Variants in DCLRE1A observed in about 807,000 individuals in gnomAD.
DCLRE1A encodes the protein DNA cross-link repair 1A.
DCLRE1A carries 64 observed loss-of-function variants against 91.9 expected under a neutral mutation model. The observed-to-expected ratio is 0.70, with a 90% CI of 0.57 to 0.86. The LOEUF is 0.86. Among genes scored for constraint, DCLRE1A ranks in the 40% least tolerant of loss-of-function variants. The pLI, the probability that DCLRE1A is intolerant of heterozygous loss-of-function variation, is 0.00. For synonymous variants in DCLRE1A, 416 were observed against 431.1 expected (o/e 0.96, Z 0.43); for missense variants, 1,145 against 1,213.3 (o/e 0.94, Z 0.84).
At chr10:113,847,908 T>C (rs1845565871) in intron 2 of DCLRE1A, among the ~76,000 whole-genome samples, 1 of 152,192 alleles carries the variant, frequency 6.6e-6, no homozygotes, top group Non-Finnish European at 1.5e-5. Context: ...TGTTCTAAAA[T>C]GTGCTCATGC....
At chr10:113,844,476 T>C (rs1259379729) in intron 4 of DCLRE1A, among the ~76,000 whole-genome samples, 1 of 152,216 alleles carries the variant, frequency 6.6e-6, no homozygotes, top group Admixed American at 6.5e-5. Context: ...AAGAAAAGCA[T>C]GTCTTCAGGA....
intron 8 of DCLRE1A, among the ~76,000 whole-genome samples, chr10:113,835,845 G>A (rs1418652947): frequency 6.6e-6 from 1 of 152,144 alleles, no homozygotes; most frequent in African/African-American, 2.4e-5. Context: ...TGAGGCAGAA[G>A]AATTGCTTGA....
At position 113,853,260 on chromosome 10, in the gene DCLRE1A, T is replaced by TATAGAA. The variant is rs1845691772; in HGVS notation, c.-84_-79dup. 7.6e-7 allele frequency: 1 copy of TATAGAA among 1,317,994 alleles called. No homozygotes were observed. Among genetic ancestry groups the TATAGAA allele is most frequent in the African/African-American group, 1.5e-5 (1 of 66,878 alleles). 81.6% of individuals were successfully genotyped at this position (1,317,994 alleles called of 1,614,324 possible). A position where few individuals can be genotyped will look rare whatever the true frequency, so the allele number is the denominator to read the frequency against. ...CCATTTCTTGTCACAAACAAAAAGT[T>TATAGAA]ATAGAATTATTTTGCTGAGAAAAAA... On this transcript the variant is annotated 5_prime_UTR_variant, in exon 1 of 9. Transcript: ENST00000361384.
At chr10:113,844,988 A>G (rs1049986412) in intron 4 of DCLRE1A, among the ~76,000 whole-genome samples, 1 of 151,930 alleles carries the variant, frequency 6.6e-6, no homozygotes, top group African/African-American at 2.4e-5. Context: ...AAAAAACAGT[A>G]GCAAAGTTAG....
In DCLRE1A at chr10:113,848,997, A is replaced by G. The variant is rs776808486; in HGVS notation, c.2108T>C (p.Phe703Ser). ...VGGSRKKTCPFYKKIPGTGFT... is the reference protein window; with the variant it reads ...VGGSRKKTCPSYKKIPGTGFT... ...CAACTTACCAGGTATTTTCTTATAG[A>G]ATGGACATGTCTTTTTTCTTGATCC... The change falls in exon 2 of 9, where the codon TTC becomes TCC. Residue 703 changes from phenylalanine to serine, a missense_variant. By Grantham distance (155) the Phe-to-Ser change is radical. Coordinates refer to ENST00000361384, the MANE Select transcript of DCLRE1A (RefSeq NM_014881.5). 1.4e-5 allele frequency: 22 copies of G among 1,612,618 alleles called. No individual in the cohort carries two copies. The highest frequency in any genetic ancestry group is 1.8e-5 in the Non-Finnish European group (21 of 1,179,556).
chr10:113,841,304 G>T, intron 7 of DCLRE1A, 102 bp downstream of exon 7: 1 of 1,350,312 alleles, frequency 7.4e-7, no homozygotes, highest in Non-Finnish European at 1.0e-6. Context: ...TTTTACTATG[G>T]GTGACTCTAT....
At chr10:113,839,910 G>C (rs1279435453) in intron 7 of DCLRE1A, among the ~76,000 whole-genome samples, 1 of 152,030 alleles carries the variant, frequency 6.6e-6, no homozygotes, top group Non-Finnish European at 1.5e-5. Flanking sequence ...AATGACTCCA[G>C]GTCACTCCTC....
Position 113,850,434 on chromosome 10 carries a change from A to C in DCLRE1A, c.671T>G (p.Val224Gly). The C allele has an allele frequency of 6.2e-7, 1 of 1,614,180 alleles. No homozygotes were observed. Among genetic ancestry groups the C allele is most frequent in the Non-Finnish European group, 8.5e-7 (1 of 1,180,036 alleles). ...TGTCATCAATAAGGGATCATTTGAAACCGAGTTATCAGTTTGGTTCTGATA... is the reference window on the plus strand; with the variant it reads ...TGTCATCAATAAGGGATCATTTGAACCCGAGTTATCAGTTTGGTTCTGATA... ...SSYQNQTDNSVSNDPLLMTQY... is the reference protein window; with the variant it reads ...SSYQNQTDNSGSNDPLLMTQY... The change falls in exon 2 of 9, where the codon GTT becomes GGT. Residue 224 changes from valine to glycine, a missense_variant. Transcript: ENST00000361384.
In DCLRE1A at chr10:113,837,057, T is replaced by C. The variant is rs1845372713; in HGVS notation, c.2962+5A>G. The C allele has an allele frequency of 2.5e-6, 4 of 1,596,046 alleles. No homozygotes were observed. In the East Asian group the frequency reaches 9.0e-5, roughly 36 times the overall value. On this transcript the variant is annotated splice_donor_5th_base_variant and intron_variant, in intron 8 of 8. Transcript: ENST00000361384. ...ACTAAAAGTGAGAAAATTTAATAAC[T>C]ATACCATATATTGAAATGTTTCCTT...
At chr10:113,848,914 G>T in intron 2 of DCLRE1A, 66 bp downstream of exon 2, 3 of 1,435,888 alleles carry the variant, frequency 2.1e-6, no homozygotes, top group African/African-American at 2.8e-5. Context: ...CACACAATGG[G>T]CAATAAACAC....
intron 2 of DCLRE1A, among the ~76,000 whole-genome samples, chr10:113,847,859 C>G (rs1845564870): frequency 6.6e-6 from 1 of 152,072 alleles, no homozygotes; most frequent in South Asian, 2.1e-4. Context: ...TAAAAAGGCT[C>G]CTTAGAGGAG....
At position 113,847,225 on chromosome 10, in the gene DCLRE1A, T is replaced by C. The variant is rs752160074; in HGVS notation, c.2236A>G (p.Thr746Ala). The change falls in exon 3 of 9, where the codon ACA becomes GCA. Residue 746 changes from threonine (T) to alanine (A), a missense_variant. Physicochemically the swap from Thr to Ala is moderately conservative, Grantham distance 58 (BLOSUM62 0). Coordinates refer to ENST00000361384, the MANE Select transcript of DCLRE1A (RefSeq NM_014881.5). ...DHYAGLSKHF[T>A]FPVYCSEITG... ...ACCTCACTACAATAAACTGGAAATGTGAAGTGTTTAGACAATCCAGCATAA... is the reference window on the plus strand; with the variant it reads ...ACCTCACTACAATAAACTGGAAATGCGAAGTGTTTAGACAATCCAGCATAA... 6.2e-7 allele frequency: 1 copy of C among 1,609,226 alleles called. No individual in the cohort carries two copies. The highest frequency in any genetic ancestry group is 8.5e-7 in the Non-Finnish European group (1 of 1,177,014).
In DCLRE1A at chr10:113,849,491, C is replaced by T. The variant is rs370847347; in HGVS notation, c.1614G>A (p.Leu538=). The change falls in exon 2 of 9, where the codon TTG becomes TTA. Residue 538 remains leucine (L), a synonymous_variant. Transcript: ENST00000361384. ...TTGCATTATACTTAAGACCAGAAGGCAATATTTTCAAATACTTCGGAGCAG... is the reference window on the plus strand; with the variant it reads ...TTGCATTATACTTAAGACCAGAAGGTAATATTTTCAAATACTTCGGAGCAG... ...STPAPKYLKI[L]PSGLKYNARH... is the part of the protein sequence containing the mutation. The T allele has an allele frequency of 3.1e-6, 5 of 1,613,906 alleles. No individual in the cohort carries two copies. In the African/African-American group the frequency reaches 4.0e-5, roughly 13 times the overall value.
chr10:113,837,822 T>A (rs2134646260), intron 7 of DCLRE1A, among the ~76,000 whole-genome samples: 1 of 152,286 alleles, frequency 6.6e-6, no homozygotes, highest in South Asian at 2.1e-4. Flanking sequence ...CAAACTAAAG[T>A]AATCATAAAT....
intron 1 of DCLRE1A, among the ~76,000 whole-genome samples, chr10:113,852,208 C>T (rs539632103): frequency 5.9e-5 from 9 of 152,212 alleles, no homozygotes; most frequent in African/African-American, 1.9e-4. Flanking sequence ...CGGTGGCGGG[C>T]GCCTGTAGTC....
chr10:113,843,023 T>TACACACAC (rs10527278), intron 5 of DCLRE1A, among the ~76,000 whole-genome samples: 1 of 145,980 alleles, frequency 6.9e-6, no homozygotes, highest in African/African-American at 2.5e-5. Context: ...TGTACATGTG[T>TACACACAC]ACACACACAC....
chr10:113,850,202 A>G lies in DCLRE1A; in HGVS notation c.903T>C (p.Ser301=). ...NDFSDCEISY[S]PLQSDEDTHD... ...GAGTGTCTTCATCACTTTGAAGTGG[A>G]GAATAGGAGATTTCACAGTCACTGA... The change falls in exon 2 of 9, where the codon TCT becomes TCC. Residue 301 remains serine, a synonymous_variant. Coordinates refer to ENST00000361384, the MANE Select transcript of DCLRE1A (RefSeq NM_014881.5). 1 of 1,614,114 alleles carries G rather than the reference A, an allele frequency of 6.2e-7. No homozygotes were observed. Among genetic ancestry groups the G allele is most frequent in the Non-Finnish European group, 8.5e-7 (1 of 1,180,018 alleles).
chr10:113,847,287 C>A lies in DCLRE1A; in HGVS notation c.2174G>T (p.Cys725Phe), dbSNP rs773607705. ...DAFQYGVVEGCTAYFLTHFHS... is the reference protein window; with the variant it reads ...DAFQYGVVEGFTAYFLTHFHS... ...AAAATGTGTGAGAAAATAGGCTGTG[C>A]AACCTTCAACCACGCCATACTGAAA... Residue 725 changes from cysteine (C) to phenylalanine (F), a missense_variant, in exon 3 of 9, where the codon TGC becomes TTC. Physicochemically the swap from Cys to Phe is radical, Grantham distance 205. Coordinates refer to ENST00000361384, the MANE Select transcript of DCLRE1A (RefSeq NM_014881.5). 2 of 1,614,012 alleles carry A rather than the reference C, an allele frequency of 1.2e-6. No homozygotes were observed. The highest frequency in any genetic ancestry group is 3.3e-5 in the Admixed American group (2 of 60,026).
intron 3 of DCLRE1A, 114 bp from the exon 4 acceptor site, chr10:113,845,917 G>A: frequency 1.1e-6 from 1 of 895,636 alleles, no homozygotes; most frequent in East Asian, 2.5e-5. Flanking sequence ...TTATATTTAA[G>A]TAAACACTCC....
Sources: allele counts gnomAD v4.1 joint callset (sites outside exome capture counted in the v4.1 genomes callset), GRCh38; gene constraint gnomAD v4.1.1; transcripts MANE v1.5; gene names NCBI Gene and HGNC (gene_info 2026-07-23, HGNC 2026-07-21).